The following CFAP20DC variants were observed in gnomAD, a reference collection of about 807,000 sequenced individuals.
The protein encoded by CFAP20DC is protein CFAP20DC.
A neutral mutation model predicts 101.7 loss-of-function variants in CFAP20DC; 84 were observed. The ratio of observed to expected loss-of-function variants is 0.83; its 90% CI spans 0.69 to 0.99. The LOEUF is 0.99. CFAP20DC is among the 50% of genes least tolerant of loss of function. CFAP20DC has a pLI of 0.00. For synonymous variants in CFAP20DC, 359 were observed against 351.2 expected (o/e 1.02, Z -0.25); for missense variants, 1,007 against 970.3 (o/e 1.04, Z -0.50).
At chr3:58,762,994 G>A (rs1244476414) in intron 15 of CFAP20DC, among the ~76,000 whole-genome samples, 1 of 152,062 alleles carries the variant, frequency 6.6e-6, no homozygotes, top group Admixed American at 6.6e-5. Flanking sequence ...TTCAACTTTG[G>A]TGAATCTGAC....
rs1011572375 is a variant in CFAP20DC, at chr3:58,721,678, G to A, written c.198-4050C>T. ...CAAATCTGGAGGGAGGGGGAGGACT[G>A]TATCCCACAGGACTTGGATGGCCAC... On this transcript the variant is annotated intron_variant, in intron 3 of 3. Coordinates refer to the CFAP20DC transcript ENST00000486145. This position sits in a 1 kb window ranked among gnomAD's most constrained non-coding sequence, Gnocchi z 5.2. Among the ~76,000 whole-genome samples the A allele has an allele frequency of 3.3e-5, 5 of 152,172 alleles. No homozygotes were observed. Among genetic ancestry groups the A allele is most frequent in the Admixed American group, 2.6e-4 (4 of 15,284 alleles).
chr3:58,890,825 T>C (rs1401540660), intron 6 of CFAP20DC, among the ~76,000 whole-genome samples: 2 of 123,604 alleles, frequency 1.6e-5, no homozygotes, highest in Non-Finnish European at 3.3e-5. Context: ...TCTCAGACGA[T>C]GGGCCGCCGG....
chr3:58,922,420 G>A (rs1395246427), intron 5 of CFAP20DC, among the ~76,000 whole-genome samples: 1 of 152,202 alleles, frequency 6.6e-6, no homozygotes, highest in African/African-American at 2.4e-5. Context: ...CCCAATGTTA[G>A]AGATGGGGCC....
At chr3:58,922,944 C>T (rs1290950957) in intron 5 of CFAP20DC, among the ~76,000 whole-genome samples, 2 of 152,048 alleles carry the variant, frequency 1.3e-5, no homozygotes, top group Non-Finnish European at 1.5e-5. Context: ...TTACCATCTC[C>T]ACCACTGTTT....
At position 59,006,329 on chromosome 3, in the gene CFAP20DC, C is replaced by G. The variant is rs1352150677; in HGVS notation, c.278+33228G>C. ...AGGCAGGGCTAATGTGCACCTCTCA[C>G]TTGGAGAGACTGAATAATGTGTGGA... On this transcript the variant is annotated intron_variant, in intron 4 of 16. Coordinates refer to ENST00000482387, the MANE Select transcript of CFAP20DC (RefSeq NM_001394063.1). The surrounding 1 kb of genome is among the most constrained non-coding windows in gnomAD (Gnocchi z 4.3). Among the ~76,000 whole-genome samples, 1 of 152,192 alleles carries G rather than the reference C, an allele frequency of 6.6e-6. No homozygotes were observed. Among genetic ancestry groups the G allele is most frequent in the African/African-American group, 2.4e-5 (1 of 41,442 alleles).
rs138206165 is a variant in CFAP20DC at position 58,966,474 on chromosome 3, G to GTGTA, written c.279-28713_279-28712insTACA. 6.3e-4 allele frequency among the ~76,000 whole-genome samples: 72 copies of GTGTA among 114,722 alleles called. 1 individual carries two copies. The highest frequency in any genetic ancestry group is 1.9e-3 in the African/African-American group (71 of 37,236). The allele number at this position is 114,722 out of a possible 152,430, so 75.3% of individuals were successfully genotyped here. A position where few individuals can be genotyped will look rare whatever the true frequency, so the allele number is the denominator to read the frequency against. On this transcript the variant is annotated intron_variant, in intron 4 of 16. Coordinates refer to ENST00000482387, the MANE Select transcript of CFAP20DC (RefSeq NM_001394063.1). ...AAATATCATTGAAATATACATATGT[G>GTGTA]TATATATATATATATACACATATGT...
At chr3:58,761,584 G>C (rs1559553563) in intron 15 of CFAP20DC, among the ~76,000 whole-genome samples, 5 of 152,052 alleles carry the variant, frequency 3.3e-5, no homozygotes, top group Admixed American at 3.3e-4. Context: ...GCTAGCTTTT[G>C]AATGTGTTTG....
intron 16 of CFAP20DC, among the ~76,000 whole-genome samples, chr3:58,752,818 CT>C (rs1244143658): frequency 6.6e-6 from 1 of 152,090 alleles, no homozygotes; most frequent in African/African-American, 2.4e-5. Context: ...CGATGCTCTA[CT>C]TTTTTCCCTG....
At chr3:58,911,887 A>G (rs1368619919) in intron 6 of CFAP20DC, among the ~76,000 whole-genome samples, 1 of 152,014 alleles carries the variant, frequency 6.6e-6, no homozygotes, top group African/African-American at 2.4e-5. Context: ...ACCCGTACAG[A>G]ATTTTGGCCA....
intron 15 of CFAP20DC, among the ~76,000 whole-genome samples, chr3:58,761,448 A>G (rs2069584828): frequency 6.6e-6 from 1 of 152,090 alleles, no homozygotes; most frequent in Admixed American, 6.5e-5. Flanking sequence ...TAGTCTTGCT[A>G]GTGGTCTATC....
chr3:58,841,411 A>G (rs1433982811), intron 13 of CFAP20DC, among the ~76,000 whole-genome samples: 6 of 152,250 alleles, frequency 3.9e-5, no homozygotes, highest in Admixed American at 3.9e-4. Flanking sequence ...AATGCTTTAA[A>G]AATACTAAAA....
At chr3:58,791,310 G>A (rs554571272) in intron 15 of CFAP20DC, among the ~76,000 whole-genome samples, 1 of 152,158 alleles carries the variant, frequency 6.6e-6, no homozygotes, top group South Asian at 2.1e-4. Flanking sequence ...CATGTTATGA[G>A]TATTATTTCA....
chr3:58,938,960 C>T (rs1164219932), intron 4 of CFAP20DC, among the ~76,000 whole-genome samples: 1 of 152,124 alleles, frequency 6.6e-6, no homozygotes, highest in Admixed American at 6.6e-5. Flanking sequence ...AGTATTAACA[C>T]TATGGCAGTA....
chr3:58,839,738 C>A (rs2076973052), intron 13 of CFAP20DC, among the ~76,000 whole-genome samples: 1 of 152,132 alleles, frequency 6.6e-6, no homozygotes, highest in African/African-American at 2.4e-5. Flanking sequence ...TAATGTCTGT[C>A]AAGTCTTTCT....
downstream of CFAP20DC, among the ~76,000 whole-genome samples, chr3:58,739,351 G>A (rs1379825998): frequency 6.6e-6 from 1 of 152,156 alleles, no homozygotes; most frequent in African/African-American, 2.4e-5. Flanking sequence ...GGAACTGTTT[G>A]AATCAGTCCC....
At chr3:58,936,158 A>C (rs2087568138) in intron 5 of CFAP20DC, among the ~76,000 whole-genome samples, 2 of 152,234 alleles carry the variant, frequency 1.3e-5, no homozygotes, top group African/African-American at 4.8e-5. Flanking sequence ...ATGCAGCCAA[A>C]ACACACATGA....
At chr3:58,921,820 A>G (rs1370240214) in intron 5 of CFAP20DC, among the ~76,000 whole-genome samples, 1 of 152,146 alleles carries the variant, frequency 6.6e-6, no homozygotes, top group Non-Finnish European at 1.5e-5. Flanking sequence ...CTACACTTGC[A>G]TATTTACCAT....
chr3:58,953,651 T>C (rs1001210955), intron 4 of CFAP20DC: 1 of 152,144 alleles, frequency 6.6e-6, no homozygotes, highest in Non-Finnish European at 1.5e-5. Context: ...AAATTAAAAT[T>C]AGTCATTCAT....
intron 4 of CFAP20DC, among the ~76,000 whole-genome samples, chr3:58,999,021 G>A (rs891083007): frequency 3.3e-5 from 5 of 152,216 alleles, no homozygotes; most frequent in African/African-American, 1.2e-4. Flanking sequence ...CTTCACTGAT[G>A]AGGACTGAGA....
Sources: allele counts gnomAD v4.1 joint callset (sites outside exome capture counted in the v4.1 genomes callset), GRCh38; gene constraint gnomAD v4.1.1; non-coding constraint Gnocchi (gnomAD v3.1); transcripts MANE v1.5; gene names NCBI Gene and HGNC (gene_info 2026-07-23, HGNC 2026-07-21).